TM9SF3: variants seen among roughly 807,000 people sequenced by gnomAD.
TM9SF3 encodes the protein transmembrane 9 superfamily member 3.
In TM9SF3, 14 loss-of-function variants were observed where a neutral mutation model predicts 78.6. The ratio of observed to expected loss-of-function variants is 0.18; its 90% confidence interval spans 0.12 to 0.28. The LOEUF is 0.28. Among genes scored for constraint, TM9SF3 ranks in the 10% least tolerant of loss-of-function variants. TM9SF3 has a pLI of 1.00. For synonymous variants in TM9SF3, 231 were observed against 241.7 expected, an observed-to-expected ratio of 0.96 and a Z score of 0.41; for missense variants, 496 against 721.9, an observed-to-expected ratio of 0.69 and a Z score of 3.59.
At chr10:96,545,792 G>A (rs1848090180) in intron 8 of TM9SF3, among the ~76,000 whole-genome samples, 1 of 152,188 alleles carries the variant, frequency 6.6e-6, no homozygotes, top group South Asian at 2.1e-4. Flanking sequence ...AGCAGGCTGA[G>A]GTAGGAGAAT....
chr10:96,529,736 T>C (rs1847876238), intron 11 of TM9SF3, among the ~76,000 whole-genome samples: 1 of 152,158 alleles, frequency 6.6e-6, no homozygotes, highest in South Asian at 2.1e-4. Flanking sequence ...ATGAGCCAAC[T>C]TTTTCAATTA....
intron 2 of TM9SF3, among the ~76,000 whole-genome samples, chr10:96,566,876 A>C (rs974723498): frequency 6.6e-6 from 1 of 152,200 alleles, no homozygotes; most frequent in Non-Finnish European, 1.5e-5. Flanking sequence ...CAGCTACGGA[A>C]GGGATATTCA....
At chr10:96,579,407 T>C (rs1264762882) in intron 1 of TM9SF3, among the ~76,000 whole-genome samples, 1 of 152,216 alleles carries the variant, frequency 6.6e-6, no homozygotes, top group Non-Finnish European at 1.5e-5. Context: ...TCCAATACTT[T>C]TCCTTTAAAA....
chr10:96,538,546 A>G (rs1239656888), intron 9 of TM9SF3, among the ~76,000 whole-genome samples: 2 of 152,202 alleles, frequency 1.3e-5, no homozygotes, highest in Non-Finnish European at 2.9e-5. Flanking sequence ...ATTAGACTTT[A>G]AAATTAGTAA....
At chr10:96,534,417 T>G (rs1418520336) in intron 9 of TM9SF3, among the ~76,000 whole-genome samples, 1 of 152,208 alleles carries the variant, frequency 6.6e-6, no homozygotes, top group Non-Finnish European at 1.5e-5. Flanking sequence ...GTTTTTAAGA[T>G]AGTTTAAGCA....
intron 6 of TM9SF3, among the ~76,000 whole-genome samples, chr10:96,551,740 C>T (rs551839261): frequency 1.3e-5 from 2 of 152,260 alleles, no homozygotes; most frequent in South Asian, 4.1e-4. Context: ...ACTATTCTTG[C>T]TATTCACATC....
At chr10:96,532,079 G>A (rs191951290) in intron 10 of TM9SF3, among the ~76,000 whole-genome samples, 35 of 151,820 alleles carry the variant, frequency 2.3e-4, no homozygotes, top group African/African-American at 5.3e-4. Context: ...GCGTGGTGGC[G>A]GGCACCTGTA....
In TM9SF3 at chr10:96,522,211, T is replaced by C; in HGVS notation, c.*52A>G. 6.7e-7 allele frequency: 1 copy of C among 1,494,764 alleles called. No individual in the cohort carries two copies. The highest frequency in any genetic ancestry group is 9.2e-7 in the Non-Finnish European group (1 of 1,086,902). 92.6% of individuals were successfully genotyped at this position (1,494,764 alleles called of 1,614,324 possible). On this transcript the variant is annotated 3_prime_UTR_variant, in exon 15 of 15. Coordinates refer to ENST00000371142, the MANE Select transcript of TM9SF3 (RefSeq NM_020123.4). ...GTTTGTTTGTTTTTGCTGTGCAAGT[T>C]CCACCCCTATGAAAAAGAAATTGAT...
At chr10:96,527,913 G>T in intron 12 of TM9SF3, 118 bp downstream of exon 12, 1 of 1,010,036 alleles carries the variant, frequency 9.9e-7, no homozygotes, top group Non-Finnish European at 1.4e-6. Context: ...AAATCCCTAT[G>T]CTATTTTAAG....
chr10:96,551,111 T>C (rs1848164220), intron 7 of TM9SF3, 134 bp downstream of exon 7: 1 of 789,860 alleles, frequency 1.3e-6, no homozygotes, highest in Admixed American at 2.9e-5. Context: ...TCTGTCTGCA[T>C]TTATGATATT....
At position 96,551,166 on chromosome 10, in the gene TM9SF3, T is replaced by C; in HGVS notation, c.959+79A>G. ...AAGGAAATAAGTAACGATTTAATTA[T>C]GATTGACTTAAAAGATTCCAGTGAT... On this transcript the variant is annotated intron_variant, in intron 7 of 14. Coordinates refer to ENST00000371142, the MANE Select transcript of TM9SF3 (RefSeq NM_020123.4). 2.6e-6 allele frequency: 3 copies of C among 1,175,236 alleles called. No homozygotes were observed. The South Asian group carries it at 5.1e-5, about 20-fold the overall frequency. 72.8% of individuals were successfully genotyped at this position (1,175,236 alleles called of 1,614,324 possible).
intron 2 of TM9SF3, among the ~76,000 whole-genome samples, chr10:96,568,833 A>T (rs1358999589): frequency 6.6e-6 from 1 of 152,064 alleles, no homozygotes; most frequent in Non-Finnish European, 1.5e-5. Context: ...AACTTCCATG[A>T]ACCTCTCAGT....
At chr10:96,537,299 C>T (rs766600379) in intron 9 of TM9SF3, among the ~76,000 whole-genome samples, 3 of 152,132 alleles carry the variant, frequency 2.0e-5, no homozygotes, top group South Asian at 4.1e-4. Context: ...ACACAAACAC[C>T]ACTGTGTTAC....
intron 9 of TM9SF3, among the ~76,000 whole-genome samples, chr10:96,537,186 C>A (rs905887335): frequency 6.6e-6 from 1 of 152,132 alleles, no homozygotes; most frequent in African/African-American, 2.4e-5. Context: ...CTCTCATGTG[C>A]CACATAACAA....
intron 14 of TM9SF3, 23 bp downstream of exon 14, chr10:96,527,190 G>A: frequency 1.9e-6 from 3 of 1,588,648 alleles, no homozygotes; most frequent in Non-Finnish European, 1.7e-6. Flanking sequence ...TACTCATGAT[G>A]TTCAAAGAAT....
intron 9 of TM9SF3, among the ~76,000 whole-genome samples, chr10:96,534,286 A>T (rs1257983238): frequency 6.6e-6 from 1 of 152,206 alleles, no homozygotes; most frequent in African/African-American, 2.4e-5. Context: ...GCTCCATAAT[A>T]CCATTTTAAA....
chr10:96,556,953 A>G (rs1285231277), intron 5 of TM9SF3, among the ~76,000 whole-genome samples: 1 of 152,052 alleles, frequency 6.6e-6, no homozygotes, highest in Non-Finnish European at 1.5e-5. Context: ...TCCATGATAC[A>G]CTTTCTTCTC....
intron 9 of TM9SF3, 134 bp downstream of exon 9, chr10:96,543,942 C>T: frequency 1.1e-6 from 1 of 895,812 alleles, no homozygotes; most frequent in Non-Finnish European, 1.6e-6. Context: ...TTCTCCTCAT[C>T]TAACTTTCCA....
chr10:96,526,299 G>GT (rs1345745342), intron 14 of TM9SF3, among the ~76,000 whole-genome samples: 1 of 151,874 alleles, frequency 6.6e-6, no homozygotes, highest in Non-Finnish European at 1.5e-5. Context: ...CACTACACTT[G>GT]GTGCTTTACA....
Sources: gnomAD v4.1 joint callset for allele counts (sites outside exome capture counted in the v4.1 genomes callset) on GRCh38, gnomAD v4.1.1 for gene constraint, MANE v1.5 for transcripts, NCBI Gene and HGNC (gene_info 2026-07-23, HGNC 2026-07-21) for gene names.